HDAC4: variants seen among roughly 807,000 people sequenced by gnomAD.
The protein encoded by HDAC4 is histone deacetylase 4, also known as histone deacetylase A.
A neutral mutation model predicts 135.1 loss-of-function variants in HDAC4; 16 were observed. That is an observed-to-expected ratio of 0.12 (90% CI 0.08 to 0.18). The LOEUF (loss-of-function observed/expected upper bound fraction) is 0.18. Ranked by LOEUF, HDAC4 falls within the 10% of genes least tolerant of loss-of-function variation. The probability of loss-of-function intolerance (pLI) is 1.00; values close to 1 mark genes in which losing one functional copy is unlikely to be tolerated. For synonymous variants in HDAC4, 685 were observed against 653.4 expected, an observed-to-expected ratio of 1.05 and a Z score of -0.74; for missense variants, 1,143 against 1,511.8, an observed-to-expected ratio of 0.76 and a Z score of 4.05.
At chr2:239,318,685 T>C (rs1476471898) in intron 2 of HDAC4, among the ~76,000 whole-genome samples, 2 of 101,432 alleles carry the variant, frequency 2.0e-5, no homozygotes, top group Non-Finnish European at 4.6e-5. Context: ...CAAACGATTC[T>C]GAAAAAAAAA....
At chr2:239,356,389 C>T (rs1251489486) in intron 1 of HDAC4, among the ~76,000 whole-genome samples, 1 of 152,166 alleles carries the variant, frequency 6.6e-6, no homozygotes, top group Non-Finnish European at 1.5e-5. Context: ...CGAGACCCTA[C>T]TTTCCCAGAG....
At chr2:239,255,997 T>G (rs1264965137) in intron 2 of HDAC4, among the ~76,000 whole-genome samples, 1 of 152,228 alleles carries the variant, frequency 6.6e-6, no homozygotes. Context: ...GATAAACCAC[T>G]CTATGCAAAT....
intron 22 of HDAC4, among the ~76,000 whole-genome samples, chr2:239,080,723 A>G (rs2035230258): frequency 6.6e-6 from 1 of 152,254 alleles, no homozygotes; most frequent in African/African-American, 2.4e-5. Context: ...ATCACATCAC[A>G]GGAGGTTTGC....
intron 2 of HDAC4, among the ~76,000 whole-genome samples, chr2:239,301,020 G>C (rs1311601995): frequency 6.6e-6 from 1 of 152,176 alleles, no homozygotes; most frequent in Non-Finnish European, 1.5e-5. Context: ...CCCCTCCTCC[G>C]GGCTCCAAGA....
intron 12 of HDAC4, among the ~76,000 whole-genome samples, chr2:239,125,874 G>A (rs1042536340): frequency 1.3e-5 from 2 of 152,248 alleles, no homozygotes; most frequent in African/African-American, 2.4e-5. Flanking sequence ...AGCTCTGACA[G>A]TGTCCCTTCG....
chr2:239,383,894 G>C (rs1269098787), intron 1 of HDAC4, among the ~76,000 whole-genome samples: 1 of 152,186 alleles, frequency 6.6e-6, no homozygotes, highest in Admixed American at 6.5e-5. Context: ...CATCAGCCCC[G>C]CCAACAAGGC....
chr2:239,109,911 A>C (rs779319168), intron 14 of HDAC4, among the ~76,000 whole-genome samples: 1 of 152,220 alleles, frequency 6.6e-6, no homozygotes, highest in African/African-American at 2.4e-5. Context: ...CACCTGCTTT[A>C]CTGCCTTTAC....
In HDAC4 at chr2:239,052,967, T is replaced by C. The variant is rs1299762782; in HGVS notation, c.*130A>G. The C allele has an allele frequency of 4.6e-6, 5 of 1,092,444 alleles. No individual in the cohort carries two copies. The highest frequency in any genetic ancestry group is 7.1e-6 in the Non-Finnish European group (5 of 707,628). The allele number at this position is 1,092,444 out of a possible 1,614,324, so 67.7% of individuals were successfully genotyped here. ...CGGCAGAAAGGCTTCCCGTGGCTGT[T>C]GCACGCTGGGTGTCCCTGGGTGCTC... On this transcript the variant is annotated 3_prime_UTR_variant, in exon 27 of 27. Transcript: ENST00000543185.
intron 1 of HDAC4, among the ~76,000 whole-genome samples, chr2:239,369,086 G>A (rs999836352): frequency 4.6e-5 from 7 of 152,236 alleles, no homozygotes; most frequent in African/African-American, 7.2e-5. Flanking sequence ...GGACAGGCTC[G>A]CCGGCAGGGA....
intron 1 of HDAC4, among the ~76,000 whole-genome samples, chr2:239,366,602 A>C (rs1229708655): frequency 6.6e-6 from 1 of 152,234 alleles, no homozygotes; most frequent in Non-Finnish European, 1.5e-5. Flanking sequence ...CAGATAAAAC[A>C]AGACTTGTTT....
chr2:239,256,299 T>C (rs2049048585), intron 2 of HDAC4, among the ~76,000 whole-genome samples: 1 of 152,404 alleles, frequency 6.6e-6, no homozygotes, highest in South Asian at 2.1e-4. Flanking sequence ...AATTTACTTC[T>C]GCAGAGGTCT....
At chr2:239,311,098 C>G (rs1424512648) in intron 2 of HDAC4, among the ~76,000 whole-genome samples, 3 of 152,192 alleles carry the variant, frequency 2.0e-5, no homozygotes, top group Admixed American at 2.0e-4. Context: ...TTAACAGGCA[C>G]CTAAAAGGCC....
chr2:239,360,310 C>T (rs1002361849), intron 1 of HDAC4, among the ~76,000 whole-genome samples: 10 of 152,222 alleles, frequency 6.6e-5, no homozygotes, highest in Non-Finnish European at 1.2e-4. Context: ...ACGCCACAGA[C>T]AGCCGCAAGG....
chr2:239,049,389 T>C lies in HDAC4; in HGVS notation c.*3708A>G, dbSNP rs933288355. On this transcript the variant is annotated 3_prime_UTR_variant, in exon 27 of 27. Coordinates refer to ENST00000543185, the MANE Select transcript of HDAC4 (RefSeq NM_001378414.1). ...GCTGCCGAGTTTGGCGTGCAAAATC[T>C]GTATACAATATAAAGTCATGCCGGT... 1 of 152,512 alleles carries C rather than the reference T, an allele frequency of 6.6e-6. No homozygotes were observed. Among genetic ancestry groups the C allele is most frequent in the South Asian group, 2.1e-4 (1 of 4,830 alleles). 9.4% of individuals were successfully genotyped at this position (152,512 alleles called of 1,614,324 possible). A position where few individuals can be genotyped will look rare whatever the true frequency, so the allele number is the denominator to read the frequency against.
At position 239,299,301 on chromosome 2, in the gene HDAC4, A is replaced by G. The variant is rs2052105689; in HGVS notation, c.22+53377T>C. Reference sequence around the variant, plus strand: ...GCCTCATGATTGGTCCATCCTGTACAATAGGTTTATTTGTTTTGTTTCAAA... The same window carrying G: ...GCCTCATGATTGGTCCATCCTGTACGATAGGTTTATTTGTTTTGTTTCAAA... On this transcript the variant is annotated intron_variant, in intron 2 of 26. Coordinates refer to ENST00000543185, the MANE Select transcript of HDAC4 (RefSeq NM_001378414.1). The surrounding 1 kb of genome is among the most constrained non-coding windows in gnomAD (Gnocchi z 4.0). Among the ~76,000 whole-genome samples, 1 of 152,190 alleles carries G rather than the reference A, an allele frequency of 6.6e-6. No individual in the cohort carries two copies. Among genetic ancestry groups the G allele is most frequent in the Non-Finnish European group, 1.5e-5 (1 of 68,040 alleles).
chr2:239,368,631 A>AG (rs1694390115), intron 1 of HDAC4, among the ~76,000 whole-genome samples: 1 of 152,038 alleles, frequency 6.6e-6, no homozygotes, highest in Non-Finnish European at 1.5e-5. Context: ...CTCCAGACAC[A>AG]GACACTCCTC....
At chr2:239,137,196 G>C (rs751604903) in intron 9 of HDAC4, among the ~76,000 whole-genome samples, 33 of 152,238 alleles carry the variant, frequency 2.2e-4, no homozygotes, top group Non-Finnish European at 4.3e-4. Flanking sequence ...GAAATCGCAG[G>C]GCGTTCTGGC....
intron 12 of HDAC4, among the ~76,000 whole-genome samples, chr2:239,120,646 G>A (rs763324464): frequency 1.3e-5 from 2 of 150,696 alleles, no homozygotes; most frequent in African/African-American, 2.4e-5. Flanking sequence ...GGGTGGGGGA[G>A]GAAGGCTAGG....
intron 2 of HDAC4, among the ~76,000 whole-genome samples, chr2:239,301,382 C>T (rs2052248515): frequency 6.6e-6 from 1 of 152,206 alleles, no homozygotes; most frequent in Non-Finnish European, 1.5e-5. Flanking sequence ...GAGCAGCAGC[C>T]CACAGCCAGT....
Sources: gnomAD v4.1 joint callset for allele counts (sites outside exome capture counted in the v4.1 genomes callset) on GRCh38, gnomAD v4.1.1 for gene constraint, Gnocchi (gnomAD v3.1) non-coding constraint, MANE v1.5 for transcripts, NCBI Gene and HGNC (gene_info 2026-07-23, HGNC 2026-07-21) for gene names.